The following CADPS2 variants were observed in gnomAD, a reference collection of about 807,000 sequenced individuals.
The protein encoded by CADPS2 is calcium-dependent secretion activator 2.
In CADPS2, 93 loss-of-function variants were observed where a neutral mutation model predicts 172.5. The ratio of observed to expected loss-of-function variants is 0.54; its 90% CI spans 0.46 to 0.64. The LOEUF (loss-of-function observed/expected upper bound fraction) is 0.64, where lower values mean the gene tolerates loss of function less well. CADPS2 is among the 30% of genes least tolerant of loss of function. CADPS2 has a pLI of 0.00. For missense variants in CADPS2, 1,420 were observed against 1,565.9 expected (o/e 0.91, Z 1.57); for synonymous variants, 546 against 555.2 (o/e 0.98, Z 0.23).
chr7:122,664,159 A>G (rs899087622), intron 2 of CADPS2, among the ~76,000 whole-genome samples: 1 of 151,878 alleles, frequency 6.6e-6, no homozygotes, highest in African/African-American at 2.4e-5. Context: ...CTGGTTTTTC[A>G]GCAGGGAAAG....
At chr7:122,580,812 T>C (rs1200793124) in intron 7 of CADPS2, among the ~76,000 whole-genome samples, 17 of 152,096 alleles carry the variant, frequency 1.1e-4, no homozygotes, top group Admixed American at 1.1e-3. Flanking sequence ...ATTTCAAATA[T>C]AAAGATGATC....
At chr7:122,477,683 AT>A (rs2056863500) in intron 12 of CADPS2, among the ~76,000 whole-genome samples, 1 of 152,194 alleles carries the variant, frequency 6.6e-6, no homozygotes, top group Non-Finnish European at 1.5e-5. Context: ...GTGTATGTAT[AT>A]TTAAGCTTTA....
chr7:122,644,519 T>C (rs1180517423), intron 3 of CADPS2, among the ~76,000 whole-genome samples: 2 of 152,184 alleles, frequency 1.3e-5, no homozygotes, highest in South Asian at 2.1e-4. Flanking sequence ...ATGATAGAAA[T>C]AACACAAATT....
intron 6 of CADPS2, among the ~76,000 whole-genome samples, chr7:122,605,180 A>T (rs1312848677): frequency 6.6e-6 from 1 of 152,162 alleles, no homozygotes; most frequent in Non-Finnish European, 1.5e-5. Flanking sequence ...AGGAAATTGC[A>T]GGACGGGAAG....
At chr7:122,384,242 T>A (rs1212847914) in intron 24 of CADPS2, among the ~76,000 whole-genome samples, 5 of 152,094 alleles carry the variant, frequency 3.3e-5, no homozygotes, top group African/African-American at 1.2e-4. Context: ...GATCATAATT[T>A]AGAAGCACAG....
At chr7:122,698,848 A>AG in intron 2 of CADPS2, 1 of 1,613,416 alleles carries the variant, frequency 6.2e-7, no homozygotes, top group Non-Finnish European at 8.5e-7. Context: ...AACAAGCCAA[A>AG]GAACACTGAA....
chr7:122,527,617 AGTGTGTGTGTGTGTGTGTGT>A (rs59653845), intron 8 of CADPS2, among the ~76,000 whole-genome samples: 1 of 83,804 alleles, frequency 1.2e-5, no homozygotes, highest in African/African-American at 4.1e-5. Context: ...AGAGAGAGAG[AGTGTGTGTGTGTGTGTGTGT>A]GTGTGTGTGT....
intron 2 of CADPS2, chr7:122,698,011 A>T: frequency 6.2e-7 from 1 of 1,613,448 alleles, no homozygotes; most frequent in Non-Finnish European, 8.5e-7. Context: ...AATCCCCAAA[A>T]CTTTAAGAAT....
At chr7:122,829,744 A>ATTAGCCGGGCGTAGTGGCGG (rs1805951189) in intron 1 of CADPS2, among the ~76,000 whole-genome samples, 2 of 152,142 alleles carry the variant, frequency 1.3e-5, no homozygotes, top group Admixed American at 6.5e-5. Context: ...AACATTCAGA[A>ATTAGCCGGGCGTAGTGGCGG]GTAAAAATAA....
At chr7:122,584,826 C>A (rs1230052937) in intron 6 of CADPS2, among the ~76,000 whole-genome samples, 1 of 151,796 alleles carries the variant, frequency 6.6e-6, no homozygotes, top group Non-Finnish European at 1.5e-5. Flanking sequence ...TTATTAAGTT[C>A]TATTTTTATT....
intron 7 of CADPS2, among the ~76,000 whole-genome samples, chr7:122,574,894 G>T (rs997050378): frequency 3.3e-5 from 5 of 151,970 alleles, no homozygotes; most frequent in African/African-American, 1.2e-4. Context: ...AACAGAAAAT[G>T]ATATCTTTAC....
At chr7:122,691,439 A>T (rs2084349007) in intron 2 of CADPS2, among the ~76,000 whole-genome samples, 1 of 152,158 alleles carries the variant, frequency 6.6e-6, no homozygotes, top group African/African-American at 2.4e-5. Flanking sequence ...TCACATGCAC[A>T]TTCAGTTTAA....
intron 1 of CADPS2, among the ~76,000 whole-genome samples, chr7:122,802,656 T>G (rs1797908858): frequency 6.6e-6 from 1 of 152,222 alleles, no homozygotes; most frequent in African/African-American, 2.4e-5. Context: ...AAATCATGTC[T>G]CTCTTGTCAT....
At chr7:122,792,443 G>A (rs1002511100) in intron 1 of CADPS2, among the ~76,000 whole-genome samples, 7 of 152,104 alleles carry the variant, frequency 4.6e-5, no homozygotes, top group Admixed American at 1.3e-4. Flanking sequence ...ACGGCCTCAC[G>A]AGAGGTGAAA....
chr7:122,470,587 C>T (rs999243225), intron 14 of CADPS2, among the ~76,000 whole-genome samples: 13 of 151,912 alleles, frequency 8.6e-5, no homozygotes, highest in African/African-American at 1.5e-4. Flanking sequence ...CTCTGCCTCC[C>T]GGGTTCAAGC....
At position 122,407,603 on chromosome 7, in the gene CADPS2, G is replaced by A; in HGVS notation, c.2683C>T (p.Pro895Ser). 1.2e-6 allele frequency: 2 copies of A among 1,612,126 alleles called. No individual in the cohort carries two copies. Among genetic ancestry groups the A allele is most frequent in the Middle Eastern group, 1.7e-4 (1 of 6,060 alleles). ...GGAAAACTATCCCAGGAGTCTTGCGGTTGAGCCTCTAGTGCAGTGTCCATA... is the reference window on the plus strand; with the variant it reads ...GGAAAACTATCCCAGGAGTCTTGCGATTGAGCCTCTAGTGCAGTGTCCATA... The part of the protein sequence containing the change: ...VDMDTALEAQ[P>S]QDSWDSFPLF... Residue 895 changes from proline to serine, a missense_variant, in exon 20 of 30, where the codon CCG becomes TCG. Physicochemically the swap from Pro to Ser is moderately conservative, Grantham distance 74. Coordinates refer to ENST00000449022, the MANE Select transcript of CADPS2 (RefSeq NM_017954.11).
intron 1 of CADPS2, among the ~76,000 whole-genome samples, chr7:122,868,244 A>T (rs1818803446): frequency 6.6e-6 from 1 of 152,094 alleles, no homozygotes; most frequent in Non-Finnish European, 1.5e-5. Flanking sequence ...CACAGAGAAC[A>T]AAAGTGACTT....
chr7:122,744,052 G>C (rs1472319368), intron 1 of CADPS2, among the ~76,000 whole-genome samples: 1 of 152,198 alleles, frequency 6.6e-6, no homozygotes, highest in Non-Finnish European at 1.5e-5. Context: ...AGGTTCACTT[G>C]ATAGGTATAG....
intron 1 of CADPS2, among the ~76,000 whole-genome samples, chr7:122,875,855 TAA>T (rs1821059484): frequency 2.0e-5 from 3 of 152,158 alleles, no homozygotes; most frequent in Admixed American, 2.0e-4. Context: ...AAAGTAATCC[TAA>T]AAGAGAAGCT....
Sources: allele counts gnomAD v4.1 joint callset (sites outside exome capture counted in the v4.1 genomes callset), GRCh38; gene constraint gnomAD v4.1.1; transcripts MANE v1.5; gene names NCBI Gene and HGNC (gene_info 2026-07-23, HGNC 2026-07-21).